The following SSBP2 variants were observed in gnomAD, a reference collection of about 807,000 sequenced individuals.
The protein encoded by SSBP2 is single-stranded DNA-binding protein 2.
SSBP2 carries 17 observed loss-of-function variants against 61.8 expected under a neutral mutation model. The ratio of observed to expected loss-of-function variants is 0.28; its 90% CI spans 0.19 to 0.41. The LOEUF is 0.41. Ranked by LOEUF, SSBP2 falls within the 10% of genes least tolerant of loss-of-function variation. The pLI, the probability that SSBP2 is intolerant of heterozygous loss-of-function variation, is 1.00. For missense variants in SSBP2, 310 were observed against 458.7 expected (o/e 0.68, Z 2.96); for synonymous variants, 139 against 141.3 (o/e 0.98, Z 0.12).
intron 4 of SSBP2, among the ~76,000 whole-genome samples, chr5:81,573,343 G>A (rs1443621678): frequency 1.3e-5 from 2 of 152,242 alleles, no homozygotes; most frequent in East Asian, 1.9e-4. Flanking sequence ...TCCCAGAAGG[G>A]AAGTCTGTTA....
At chr5:81,482,922 A>C (rs1766101598) in intron 6 of SSBP2, among the ~76,000 whole-genome samples, 1 of 152,102 alleles carries the variant, frequency 6.6e-6, no homozygotes, top group African/African-American at 2.4e-5. Context: ...AAAGTGAGCG[A>C]TGTGCGACTC....
chr5:81,428,762 A>T (rs766245221), intron 15 of SSBP2, 79 bp from the exon 16 acceptor site: 38 of 944,620 alleles, frequency 4.0e-5, no homozygotes, highest in Non-Finnish European at 6.2e-5. Flanking sequence ...CGAATATTGA[A>T]ACAGCATCCC....
intron 4 of SSBP2, among the ~76,000 whole-genome samples, chr5:81,530,146 TG>T (rs1273940801): frequency 1.3e-5 from 2 of 152,110 alleles, no homozygotes; most frequent in African/African-American, 2.4e-5. Context: ...TGTGTGACAC[TG>T]GTCAGTTACT....
chr5:81,618,323 C>G lies in SSBP2; in HGVS notation c.198-2766G>C, dbSNP rs569385195. 4.9e-5 allele frequency among the ~76,000 whole-genome samples: 5 copies of G among 103,034 alleles called. 1 individual carries two copies. The highest frequency in any genetic ancestry group is 1.6e-4 in the African/African-American group (5 of 31,688). The allele number at this position is 103,034 out of a possible 152,430, so 67.6% of individuals were successfully genotyped here. A position where few individuals can be genotyped will look rare whatever the true frequency, so the allele number is the denominator to read the frequency against. On this transcript the variant is annotated intron_variant, in intron 3 of 16. Transcript: ENST00000320672. ...CAATCCTAGTTTCTGATAAAACAGACTTTAAACCAACAAAGATGAAAAGAG... is the reference window on the plus strand; with the variant it reads ...CAATCCTAGTTTCTGATAAAACAGAGTTTAAACCAACAAAGATGAAAAGAG...
chr5:81,538,676 C>A (rs1381442487), intron 4 of SSBP2, among the ~76,000 whole-genome samples: 1 of 152,192 alleles, frequency 6.6e-6, no homozygotes, highest in Non-Finnish European at 1.5e-5. Flanking sequence ...TAAGCTGAAG[C>A]CAATGCTCAT....
At chr5:81,643,806 T>C (rs1175422837) in intron 2 of SSBP2, among the ~76,000 whole-genome samples, 1 of 152,050 alleles carries the variant, frequency 6.6e-6, no homozygotes, top group Non-Finnish European at 1.5e-5. Flanking sequence ...TTTCACCATG[T>C]TGGCCAGGCT....
At chr5:81,507,409 A>G (rs189269200) in intron 5 of SSBP2, among the ~76,000 whole-genome samples, 34 of 152,278 alleles carry the variant, frequency 2.2e-4, no homozygotes, top group African/African-American at 5.8e-4. Flanking sequence ...CAACAGTTTC[A>G]TCTAATAAAA....
intron 1 of SSBP2, among the ~76,000 whole-genome samples, chr5:81,668,384 T>G (rs1443606909): frequency 6.6e-6 from 1 of 151,862 alleles, no homozygotes; most frequent in African/African-American, 2.4e-5. Flanking sequence ...ACAGTTACTC[T>G]AACCAAATAT....
At chr5:81,662,525 C>T (rs1016250434) in intron 1 of SSBP2, among the ~76,000 whole-genome samples, 7 of 151,746 alleles carry the variant, frequency 4.6e-5, no homozygotes, top group South Asian at 2.1e-4. Flanking sequence ...AACTTCTGGC[C>T]GGGTGCATTG....
At chr5:81,601,258 T>C (rs1399523404) in intron 4 of SSBP2, among the ~76,000 whole-genome samples, 4 of 152,188 alleles carry the variant, frequency 2.6e-5, no homozygotes, top group Non-Finnish European at 4.4e-5. Flanking sequence ...TCTACATTTA[T>C]AATGTGAGCT....
In SSBP2 at chr5:81,542,801, A is replaced by T. The variant is rs1430084209; in HGVS notation, c.283-29084T>A. Among the ~76,000 whole-genome samples, 3 of 130,750 alleles carry T rather than the reference A, an allele frequency of 2.3e-5. No individual in the cohort carries two copies. In the South Asian group the frequency reaches 7.1e-4, roughly 31 times the overall value. 85.8% of individuals were successfully genotyped at this position (130,750 alleles called of 152,430 possible). On this transcript the variant is annotated intron_variant, in intron 4 of 16. Transcript: ENST00000320672. Reference sequence around the variant, plus strand: ...CTTCTCATGAAATCTGATGGTTTTTATAAGTATTTGACAGTTTCTCTCTCT... The same window carrying T: ...CTTCTCATGAAATCTGATGGTTTTTTTAAGTATTTGACAGTTTCTCTCTCT...
chr5:81,582,891 CCTTA>C (rs1368215035), intron 4 of SSBP2, among the ~76,000 whole-genome samples: 2 of 152,090 alleles, frequency 1.3e-5, no homozygotes, highest in East Asian at 3.9e-4. Context: ...CCGCACCTGG[CCTTA>C]CTGTCTTCTT....
chr5:81,587,471 C>G (rs762965088), intron 4 of SSBP2, among the ~76,000 whole-genome samples: 1 of 152,106 alleles, frequency 6.6e-6, no homozygotes, highest in African/African-American at 2.4e-5. Flanking sequence ...GTGGTTCACG[C>G]GTGAAATCCC....
chr5:81,599,327 A>G (rs1581135488), intron 4 of SSBP2, among the ~76,000 whole-genome samples: 1 of 152,200 alleles, frequency 6.6e-6, no homozygotes, highest in Non-Finnish European at 1.5e-5. Context: ...GCAAGTTTCT[A>G]TTTTTCCCCT....
At chr5:81,595,070 G>C (rs1743572108) in intron 4 of SSBP2, among the ~76,000 whole-genome samples, 1 of 152,036 alleles carries the variant, frequency 6.6e-6, no homozygotes, top group African/African-American at 2.4e-5. Flanking sequence ...TTTTTGAAAA[G>C]ATCAACAAAA....
chr5:81,562,341 C>G (rs1399932934), intron 4 of SSBP2, among the ~76,000 whole-genome samples: 2 of 152,024 alleles, frequency 1.3e-5, no homozygotes, highest in Non-Finnish European at 2.9e-5. Flanking sequence ...CTTTCAAATC[C>G]CATTAAGGGA....
intron 1 of SSBP2, among the ~76,000 whole-genome samples, chr5:81,735,320 T>C (rs1042705369): frequency 3.3e-5 from 5 of 152,250 alleles, no homozygotes; most frequent in African/African-American, 1.2e-4. Context: ...ACTTTTTTAT[T>C]ACTTAAATTT....
intron 6 of SSBP2, among the ~76,000 whole-genome samples, chr5:81,480,567 G>A (rs1444970840): frequency 1.3e-5 from 2 of 152,150 alleles, no homozygotes; most frequent in African/African-American, 4.8e-5. Context: ...TGAAGGCTGG[G>A]ATGGCTATGG....
chr5:81,580,435 A>G (rs1439123352), intron 4 of SSBP2, among the ~76,000 whole-genome samples: 2 of 152,110 alleles, frequency 1.3e-5, no homozygotes, highest in Admixed American at 6.6e-5. Context: ...CAGCCAAAAG[A>G]TATCCAATAT....
Sources: allele counts gnomAD v4.1 joint callset (sites outside exome capture counted in the v4.1 genomes callset), GRCh38; gene constraint gnomAD v4.1.1; transcripts MANE v1.5; gene names NCBI Gene and HGNC (gene_info 2026-07-23, HGNC 2026-07-21).